The following CFAP58 variants were observed in gnomAD, a reference collection of about 807,000 sequenced individuals.
CFAP58 encodes cilia and flagella associated protein 58, also known as cilia- and flagella-associated protein 58.
In CFAP58, 88 loss-of-function variants were observed where a neutral mutation model predicts 119.5. That is an observed-to-expected ratio of 0.74 (90% CI 0.62 to 0.88). CFAP58 has a LOEUF of 0.88. CFAP58 is among the 40% of genes least tolerant of loss of function. CFAP58 has a pLI of 0.00. For missense variants in CFAP58, 990 were observed against 1,021.2 expected (o/e 0.97, Z 0.42); for synonymous variants, 365 against 366.3 (o/e 1.00, Z 0.04).
chr10:104,338,572 C>T, the CFAP58 span, among the ~76,000 whole-genome samples: 14 of 149,836 alleles, frequency 9.3e-5, no homozygotes, highest in African/African-American at 3.4e-4. Flanking sequence ...TGGTTGGGCC[C>T]AGGATCCGCC....
intron 15 of CFAP58, among the ~76,000 whole-genome samples, chr10:104,420,181 A>G (rs2012632777): frequency 6.6e-6 from 1 of 151,602 alleles, no homozygotes; most frequent in Non-Finnish European, 1.5e-5. Flanking sequence ...CAAGTTTCTC[A>G]ACGTGTGTCC....
At chr10:104,430,867 CATGAA>C (rs1412828683) in intron 15 of CFAP58, among the ~76,000 whole-genome samples, 13 of 152,322 alleles carry the variant, frequency 8.5e-5, no homozygotes, top group Admixed American at 7.8e-4. Context: ...ATCACTTCAA[CATGAA>C]ATGAATTTAT....
intron 16 of CFAP58, 138 bp downstream of exon 16, chr10:104,447,955 C>G (rs2013137322): frequency 1.8e-5 from 20 of 1,097,368 alleles, no homozygotes; most frequent in Non-Finnish European, 2.6e-5. Flanking sequence ...CCTTAGAGCT[C>G]TAGTCTAGGA....
intron 11 of CFAP58, among the ~76,000 whole-genome samples, chr10:104,396,733 C>A (rs2012169532): frequency 6.6e-6 from 1 of 152,210 alleles, no homozygotes; most frequent in Non-Finnish European, 1.5e-5. Flanking sequence ...CTTTTTACCA[C>A]CAGTAACACT....
At chr10:104,450,333 T>G (rs2133101585) in intron 17 of CFAP58, 129 bp downstream of exon 17, 1 of 934,714 alleles carries the variant, frequency 1.1e-6, no homozygotes, top group Non-Finnish European at 1.7e-6. Flanking sequence ...CAAATGACAT[T>G]CTACAGGTCA....
chr10:104,373,811 T>G (rs1161058699), intron 7 of CFAP58, among the ~76,000 whole-genome samples: 2 of 152,190 alleles, frequency 1.3e-5, no homozygotes, highest in Admixed American at 1.3e-4. Context: ...CCTTCCCAGA[T>G]GTTTAAATGT....
intron 15 of CFAP58, among the ~76,000 whole-genome samples, chr10:104,442,759 T>C (rs1008228881): frequency 1.3e-5 from 2 of 152,178 alleles, no homozygotes; most frequent in Non-Finnish European, 2.9e-5. Flanking sequence ...TCTACAAATA[T>C]TGAAGAGATC....
chr10:104,430,727 G>A (rs1157148624), intron 15 of CFAP58, among the ~76,000 whole-genome samples: 1 of 152,014 alleles, frequency 6.6e-6, no homozygotes, highest in Non-Finnish European at 1.5e-5. Flanking sequence ...TTTCAGTGCT[G>A]TCCACTAAAA....
At position 104,393,365 on chromosome 10, in the gene CFAP58, A is replaced by G. The variant is rs749858144; in HGVS notation, c.1564A>G (p.Met522Val). 4 of 1,614,008 alleles carry G rather than the reference A, an allele frequency of 2.5e-6. No individual in the cohort carries two copies. In the East Asian group the frequency reaches 6.7e-5, roughly 27 times the overall value. Residue 522 changes from methionine (M) to valine (V), a missense_variant, in exon 11 of 18, where the codon ATG becomes GTG. Physicochemically the swap from Met to Val is conservative, Grantham distance 21. Coordinates refer to ENST00000369704, the MANE Select transcript of CFAP58 (RefSeq NM_001008723.2). ...ITDMKRKLKI[M>V]IHQVDELKED... is the part of the protein sequence containing the mutation. ...AGATATGAAGAGAAAGTTAAAGATTATGATCCATCAGGTAGATGAGCTGAA... is the reference window on the plus strand; with the variant it reads ...AGATATGAAGAGAAAGTTAAAGATTGTGATCCATCAGGTAGATGAGCTGAA...
chr10:104,423,613 T>G (rs2012695819), intron 15 of CFAP58, among the ~76,000 whole-genome samples: 1 of 152,004 alleles, frequency 6.6e-6, no homozygotes, highest in Non-Finnish European at 1.5e-5. Context: ...AGTAGATTAC[T>G]TAGAGTCCAA....
chr10:104,450,141 C>T lies in CFAP58; in HGVS notation c.2447C>T (p.Thr816Ile). 3.7e-6 allele frequency: 6 copies of T among 1,613,164 alleles called. No individual in the cohort carries two copies. The highest frequency in any genetic ancestry group is 5.1e-6 in the Non-Finnish European group (6 of 1,179,448). Residue 816 changes from threonine to isoleucine, a missense_variant, in exon 17 of 18, where the codon ACC becomes ATC. Thr to Ile is a moderately conservative substitution (Grantham distance 89). Coordinates refer to ENST00000369704, the MANE Select transcript of CFAP58 (RefSeq NM_001008723.2). ...TATAAATATGAGGTAGAGAAACTTA[C>T]CAATGAGCTCCAGAATTTAAAGAAG... Reference protein sequence around the residue: ...KEYKYEVEKLTNELQNLKKKY... With the variant: ...KEYKYEVEKLINELQNLKKKY...
intron 15 of CFAP58, among the ~76,000 whole-genome samples, chr10:104,407,082 C>A (rs777480469): frequency 2.0e-5 from 3 of 152,152 alleles, no homozygotes; most frequent in Non-Finnish European, 4.4e-5. Context: ...TTATCAGATT[C>A]TTTTAAACAT....
At chr10:104,350,002 A>G (rs1051701575), upstream of CFAP58, among the ~76,000 whole-genome samples, 1 of 152,180 alleles carries the variant, frequency 6.6e-6, no homozygotes, top group Non-Finnish European at 1.5e-5. Context: ...AGAAAGTCGA[A>G]AGGGCCAGAT....
At chr10:104,446,390 C>T (rs1280043696) in intron 15 of CFAP58, among the ~76,000 whole-genome samples, 1 of 152,184 alleles carries the variant, frequency 6.6e-6, no homozygotes, top group East Asian at 1.9e-4. Flanking sequence ...TGCATACACT[C>T]TTCTATAAAT....
intron 15 of CFAP58, among the ~76,000 whole-genome samples, chr10:104,445,052 G>A (rs944852864): frequency 6.6e-6 from 1 of 152,114 alleles, no homozygotes; most frequent in African/African-American, 2.4e-5. Flanking sequence ...GCTGGATGTG[G>A]TGGCTCAGGC....
upstream of CFAP58, among the ~76,000 whole-genome samples, chr10:104,350,639 G>A (rs904925129): frequency 1.7e-4 from 26 of 152,196 alleles, no homozygotes. Flanking sequence ...TCAGATACCA[G>A]TATCTAGATT....
At chr10:104,430,708 GTTGCTC>G (rs2012831554) in intron 15 of CFAP58, among the ~76,000 whole-genome samples, 1 of 152,090 alleles carries the variant, frequency 6.6e-6, no homozygotes. Context: ...AAACACCATT[GTTGCTC>G]TATTTCAGTG....
chr10:104,412,784 TCTC>T (rs967053700), intron 15 of CFAP58, among the ~76,000 whole-genome samples: 27 of 152,208 alleles, frequency 1.8e-4, no homozygotes, highest in South Asian at 8.3e-4. Flanking sequence ...GCTTCCCAGT[TCTC>T]CTCTCTAATC....
chr10:104,381,871 G>A (rs1177220886), intron 9 of CFAP58, among the ~76,000 whole-genome samples: 1 of 152,158 alleles, frequency 6.6e-6, no homozygotes, highest in Non-Finnish European at 1.5e-5. Flanking sequence ...CATTGGAGCA[G>A]AGCATATTTC....
Sources: allele counts gnomAD v4.1 joint callset (sites outside exome capture counted in the v4.1 genomes callset), GRCh38; gene constraint gnomAD v4.1.1; transcripts MANE v1.5; gene names NCBI Gene and HGNC (gene_info 2026-07-23, HGNC 2026-07-21).